The following DEF8 variants were observed in gnomAD, a reference collection of about 807,000 sequenced individuals.
DEF8 encodes the protein differentially expressed in FDCP 8 homolog, also known as DEF-8.
In DEF8, 38 loss-of-function variants were observed where a neutral mutation model predicts 59.1. The ratio of observed to expected loss-of-function variants is 0.64; its 90% confidence interval spans 0.50 to 0.84. The LOEUF is 0.84. Among genes scored for constraint, DEF8 ranks in the 40% least tolerant of loss-of-function variants. The pLI is 0.00. For missense variants in DEF8, 557 were observed against 615.2 expected, an observed-to-expected ratio of 0.91 and a Z score of 1.00; for synonymous variants, 265 against 250.1, an observed-to-expected ratio of 1.06 and a Z score of -0.56.
intron 10 of DEF8, chr16:89,963,924 G>T: frequency 1.7e-6 from 1 of 604,408 alleles, no homozygotes. Context: ...GCGGGGATGC[G>T]GTGTGGCTGG....
At position 89,955,236 on chromosome 16, in the gene DEF8, C is replaced by T. The variant is rs2032956232; in HGVS notation, c.192C>T (p.Gly64=). The change falls in exon 4 of 13, where the codon GGC becomes GGT. Residue 64 remains glycine (G), a synonymous_variant. Coordinates refer to ENST00000563594, the MANE Select transcript of DEF8 (RefSeq NM_001242818.2). The part of the protein sequence containing the change: ...FRCPERVMDL[G]LSEDHFSRPV... ...GCCCTGAACGCGTGATGGATCTCGG[C>T]CTGTCTGAGGACCACTTCTCCCGCC... 2 of 1,613,528 alleles carry T rather than the reference C, an allele frequency of 1.2e-6. No individual in the cohort carries two copies. Among genetic ancestry groups the T allele is most frequent in the Non-Finnish European group, 1.7e-6 (2 of 1,179,874 alleles).
Position 89,957,807 on chromosome 16 carries a change from G to C in DEF8, c.372+147G>C, listed in dbSNP as rs983183496. 1.3e-5 allele frequency: 13 copies of C among 981,298 alleles called. No homozygotes were observed. The African/African-American group carries it at 2.1e-4, about 16-fold the overall frequency. The allele number at this position is 981,298 out of a possible 1,614,324, so 60.8% of individuals were successfully genotyped here. A position where few individuals can be genotyped will look rare whatever the true frequency, so the allele number is the denominator to read the frequency against. On this transcript the variant is annotated intron_variant, in intron 5 of 12. Transcript: ENST00000563594. ...GCTGAGGTAGAAGGGCACGAGACAG[G>C]CAGGGTGGAAGACGGGCCCTCACCC...
In DEF8 at chr16:89,967,604, C is replaced by G; in HGVS notation, c.*1641C>G. On this transcript the variant is annotated 3_prime_UTR_variant, in exon 13 of 13. Transcript: ENST00000563594. Reference sequence around the variant, plus strand: ...ACAGTGTGGGTTCCTGTCCTGTTTCCCCTTCCTCTTTGGGGCTGAGGAGGA... The same window carrying G: ...ACAGTGTGGGTTCCTGTCCTGTTTCGCCTTCCTCTTTGGGGCTGAGGAGGA... 2.5e-6 allele frequency: 1 copy of G among 397,560 alleles called. No homozygotes were observed. The highest frequency in any genetic ancestry group is 4.4e-6 in the Non-Finnish European group (1 of 225,940). 24.6% of individuals were successfully genotyped at this position (397,560 alleles called of 1,614,324 possible).
At chr16:89,955,848 G>A (rs1057303387) in intron 4 of DEF8, among the ~76,000 whole-genome samples, 31 of 152,206 alleles carry the variant, frequency 2.0e-4, no homozygotes, top group Admixed American at 1.4e-3. Flanking sequence ...TGAGGCGGGC[G>A]GATCACGAGG....
intron 9 of DEF8, 108 bp from the exon 10 acceptor site, chr16:89,963,254 TG>T: frequency 1.2e-6 from 1 of 856,806 alleles, no homozygotes; most frequent in Non-Finnish European, 1.8e-6. Context: ...CGGCCCTTCG[TG>T]GGGAACCAAC....
rs766551753 is a variant in DEF8 at position 89,965,853 on chromosome 16, G to T, written c.1254-8G>T. 2.5e-6 allele frequency: 4 copies of T among 1,607,040 alleles called. No homozygotes were observed. The highest frequency in any genetic ancestry group is 3.3e-5 in the Admixed American group (2 of 59,838). On this transcript the variant is annotated splice_polypyrimidine_tract_variant and splice_region_variant and intron_variant, in intron 12 of 12. Transcript: ENST00000563594. ...GTGCAGAGAGCCCCGACCTCTTTCT[G>T]CCCCCAGGGACTGCTACTACGACAA...
chr16:89,949,856 G>A (rs959695058), intron 2 of DEF8, among the ~76,000 whole-genome samples: 1 of 152,206 alleles, frequency 6.6e-6, no homozygotes, highest in Non-Finnish European at 1.5e-5. Flanking sequence ...ACATCTGGGT[G>A]CAGAACTGGT....
intron 12 of DEF8, among the ~76,000 whole-genome samples, chr16:89,964,881 C>T (rs888334329): frequency 6.6e-6 from 1 of 152,164 alleles, no homozygotes; most frequent in African/African-American, 2.4e-5. Context: ...TCACAGCATC[C>T]CAGCTGCTCC....
chr16:89,954,273 G>A lies in DEF8; in HGVS notation c.21G>A (p.Leu7=), dbSNP rs771260753. 2 of 1,613,180 alleles carry A rather than the reference G, an allele frequency of 1.2e-6. No individual in the cohort carries two copies. Among genetic ancestry groups the A allele is most frequent in the Non-Finnish European group, 1.7e-6 (2 of 1,179,962 alleles). Reference sequence around the variant, plus strand: ...ATGCTATGGAATATGATGAGAAGCTGGCCCGTTTCCGGCAGGCCCACCTCA... The same window carrying A: ...ATGCTATGGAATATGATGAGAAGCTAGCCCGTTTCCGGCAGGCCCACCTCA... MEYDEK[L]ARFRQAHLNP... The change falls in exon 3 of 13, where the codon CTG becomes CTA. Residue 7 remains leucine, a synonymous_variant. Transcript: ENST00000563594. The surrounding 1 kb of genome is among the most constrained non-coding windows in gnomAD (Gnocchi z 4.3).
intron 5 of DEF8, chr16:89,958,499 G>A (rs2033579007): frequency 6.0e-6 from 1 of 166,844 alleles, no homozygotes; most frequent in African/African-American, 2.4e-5. Context: ...GGTATCCCTG[G>A]GAATGTAGAA....
intron 2 of DEF8, among the ~76,000 whole-genome samples, chr16:89,952,026 T>C (rs545759091): frequency 4.9e-4 from 74 of 152,246 alleles, no homozygotes; most frequent in Admixed American, 4.3e-3. Flanking sequence ...TACAGGCGCC[T>C]GCCACCACAC....
intron 5 of DEF8, chr16:89,958,432 G>A (rs2033566156): frequency 6.3e-6 from 1 of 157,998 alleles, no homozygotes; most frequent in Admixed American, 6.0e-5. Context: ...TCCTGATGCA[G>A]TCCTTGGGTC....
intron 5 of DEF8, chr16:89,957,875 A>G: frequency 2.1e-6 from 1 of 483,862 alleles, no homozygotes; most frequent in Admixed American, 3.8e-5. Context: ...CTCCTGTTGC[A>G]AGGAACAGAA....
At chr16:89,963,830 A>G (rs2034337073) in intron 10 of DEF8, 6 of 488,974 alleles carry the variant, frequency 1.2e-5, no homozygotes, top group Non-Finnish European at 2.3e-5. Context: ...AGGGAAGACA[A>G]GAAAAATACG....
Position 89,957,494 on chromosome 16 carries a change from G to A in DEF8, c.223-17G>A, listed in dbSNP as rs775586977. The A allele has an allele frequency of 4.5e-5, 71 of 1,569,500 alleles. No homozygotes were observed. The highest frequency in any genetic ancestry group is 7.5e-5 in the Admixed American group (4 of 53,404). On this transcript the variant is annotated splice_polypyrimidine_tract_variant and intron_variant, in intron 4 of 12. Coordinates refer to ENST00000563594, the MANE Select transcript of DEF8 (RefSeq NM_001242818.2). ...GCAGGATGGGCCTTTGACTGCCCCC[G>A]CCCCCAACCTGGGCAGGGTCTGTTC...
intron 2 of DEF8, among the ~76,000 whole-genome samples, chr16:89,951,866 A>G (rs2032170698): frequency 6.6e-6 from 1 of 151,298 alleles, no homozygotes; most frequent in African/African-American, 2.4e-5. Flanking sequence ...ACACATACAT[A>G]TTTATGTAAA....
At position 89,955,156 on chromosome 16, in the gene DEF8, C is replaced by T. The variant is rs147542890; in HGVS notation, c.125-13C>T. The T allele has an allele frequency of 2.7e-4, 441 of 1,607,580 alleles. 1 individual carries two copies. In the African/African-American group the frequency reaches 4.9e-3, roughly 18 times the overall value. ...GCAGCTGACGCTCCACACCTGTCCC[C>T]GTCTTCCTCCAGAGGCCCTGCCTGA... On this transcript the variant is annotated splice_polypyrimidine_tract_variant and intron_variant, in intron 3 of 12. Coordinates refer to ENST00000563594, the MANE Select transcript of DEF8 (RefSeq NM_001242818.2).
chr16:89,957,486 C>G (rs1350088206), intron 4 of DEF8, 25 bp from the exon 5 acceptor site: 2 of 1,561,284 alleles, frequency 1.3e-6, no homozygotes, highest in South Asian at 2.3e-5. Context: ...GGGCCTTTGA[C>G]TGCCCCCGCC....
rs188976685 is a variant in DEF8, at chr16:89,963,089, G to A, written c.922-274G>A. Among the ~76,000 whole-genome samples the A allele has an allele frequency of 4.5e-4, 68 of 152,380 alleles. No homozygotes were observed. In the East Asian group the frequency reaches 0.011, roughly 25 times the overall value. Reference sequence around the variant, plus strand: ...TGGGATTTCTCCGGAAGTTTGGCTTGGTCCTGAGGCTGCTGGTTCCTAGAC... The same window carrying A: ...TGGGATTTCTCCGGAAGTTTGGCTTAGTCCTGAGGCTGCTGGTTCCTAGAC... On this transcript the variant is annotated intron_variant, in intron 9 of 12. Transcript: ENST00000563594.
Sources: allele counts gnomAD v4.1 joint callset (sites outside exome capture counted in the v4.1 genomes callset), GRCh38; gene constraint gnomAD v4.1.1; non-coding constraint Gnocchi (gnomAD v3.1); transcripts MANE v1.5; gene names NCBI Gene and HGNC (gene_info 2026-07-23, HGNC 2026-07-21).